COL7A1: variants seen among roughly 807,000 people sequenced by gnomAD.
COL7A1 encodes collagen alpha-1(VII) chain.
Under a neutral mutation model 456.2 loss-of-function variants are expected in COL7A1, and 296 were observed. That is an observed-to-expected ratio of 0.65 (90% CI 0.59 to 0.71). COL7A1 has a LOEUF of 0.71. COL7A1 is among the 30% of genes least tolerant of loss of function. The pLI is 0.00. For synonymous variants in COL7A1, 1,464 were observed against 1,525.9 expected (o/e 0.96, Z 0.95); for missense variants, 3,441 against 4,017.2 (o/e 0.86, Z 3.88).
rs2043810932 is a variant in COL7A1 at position 48,570,030 on chromosome 3, G to A, written c.7485+104C>T. 8.8e-6 allele frequency: 14 copies of A among 1,594,278 alleles called. No homozygotes were observed. Among genetic ancestry groups the A allele is most frequent in the African/African-American group, 1.3e-5 (1 of 74,590 alleles). On this transcript the variant is annotated intron_variant, in intron 99 of 118. Coordinates refer to ENST00000681320, the MANE Select transcript of COL7A1 (RefSeq NM_000094.4). The surrounding 1 kb of genome is among the most constrained non-coding windows in gnomAD (Gnocchi z 5.5). Reference sequence around the variant, plus strand: ...AGACAAAGGGGACAGGGGTAGACGAGGAGGGCCAGAGGGCTAGGGAGGATG... The same window carrying A: ...AGACAAAGGGGACAGGGGTAGACGAAGAGGGCCAGAGGGCTAGGGAGGATG...
Position 48,580,000 on chromosome 3 carries a change from G to A in COL7A1, c.5124+31C>T, listed in dbSNP as rs1293099106. ...AGCCAAAGGGGCAAGTGAGAACAAT[G>A]ACAGAGGACCAGACCCAGCGCAGCC... is the stretch of plus-strand genomic sequence containing the variant. On this transcript the variant is annotated intron_variant, in intron 57 of 118. Coordinates refer to ENST00000681320, the MANE Select transcript of COL7A1 (RefSeq NM_000094.4). This position sits in a 1 kb window ranked among gnomAD's most constrained non-coding sequence, Gnocchi z 4.4. 1.2e-6 allele frequency: 2 copies of A among 1,613,768 alleles called. No individual in the cohort carries two copies. Among genetic ancestry groups the A allele is most frequent in the African/African-American group, 2.7e-5 (2 of 74,814 alleles).
rs2044668176 is a variant in COL7A1 at position 48,580,502 on chromosome 3, TG to T, written c.5052+78del. ...TTGGGAGGGTTTAGCATTACAGGGT[TG>T]GGGGGTAGGATCAGGTATTGGGAAT... On this transcript the variant is annotated intron_variant, in intron 55 of 118. Transcript: ENST00000681320. This position sits in a 1 kb window ranked among gnomAD's most constrained non-coding sequence, Gnocchi z 4.5. 1 of 1,534,094 alleles carries T rather than the reference TG, an allele frequency of 6.5e-7. No homozygotes were observed. The highest frequency in any genetic ancestry group is 9.0e-7 in the Non-Finnish European group (1 of 1,115,114).
At chr3:48,589,786 A>C in intron 16 of COL7A1, 68 bp from the exon 17 acceptor site, 2 of 1,608,926 alleles carry the variant, frequency 1.2e-6, no homozygotes, top group Non-Finnish European at 1.7e-6. Flanking sequence ...CTGATAGGGG[A>C]AGATGATGGG....
At chr3:48,589,926 T>C (rs1005231015) in intron 16 of COL7A1, among the ~76,000 whole-genome samples, 3 of 151,696 alleles carry the variant, frequency 2.0e-5, no homozygotes, top group African/African-American at 7.3e-5. Flanking sequence ...CAGAGGAGAT[T>C]TGGGTCCAGC....
rs2044784747 is a variant in COL7A1, at chr3:48,581,878, T to C, written c.4668+33A>G. Reference sequence around the variant, plus strand: ...CCCTATGACCTAGACCTCAACCCTGTAGAAACCTCCCCTTGCCCCATACCA... The same window carrying C: ...CCCTATGACCTAGACCTCAACCCTGCAGAAACCTCCCCTTGCCCCATACCA... On this transcript the variant is annotated intron_variant, in intron 48 of 118. Transcript: ENST00000681320. The surrounding 1 kb of genome is among the most constrained non-coding windows in gnomAD (Gnocchi z 5.8). 5 of 1,614,060 alleles carry C rather than the reference T, an allele frequency of 3.1e-6. No homozygotes were observed. Among genetic ancestry groups the C allele is most frequent in the East Asian group, 4.5e-5 (2 of 44,878 alleles).
In COL7A1 at chr3:48,565,114, C is replaced by G; in HGVS notation, c.8615G>C (p.Ser2872Thr). The change falls in exon 117 of 119, where the codon AGT becomes ACT. Residue 2872 changes from serine (S) to threonine (T), a missense_variant. Physicochemically the swap from Ser to Thr is moderately conservative, Grantham distance 58. Around this residue, in one of 3 missense-constraint regions of COL7A1, gnomAD observed 2,084 missense variants for 2,501.3 expected, o/e 0.83. Coordinates refer to ENST00000681320, the MANE Select transcript of COL7A1 (RefSeq NM_000094.4). This position sits in a 1 kb window ranked among gnomAD's most constrained non-coding sequence, Gnocchi z 4.5. ...TGGCAGCCCCCCATTCTCACCATCA[C>G]TATCCCAAGGAGCTTCAGGGTCCTG... Reference protein sequence around the residue: ...EYQDPEAPWDSDDPCSLPLDE... With the variant: ...EYQDPEAPWDTDDPCSLPLDE... The G allele has an allele frequency of 1.2e-6, 2 of 1,614,036 alleles. No individual in the cohort carries two copies. Among genetic ancestry groups the G allele is most frequent in the South Asian group, 2.2e-5 (2 of 91,080 alleles).
At chr3:48,582,585 G>A (rs928652065) in intron 45 of COL7A1, 24 bp downstream of exon 45, 4 of 1,613,634 alleles carry the variant, frequency 2.5e-6, no homozygotes, top group South Asian at 1.1e-5. Context: ...CCCACTCCTG[G>A]TCCCACCACA....
chr3:48,579,869 G>A lies in COL7A1; in HGVS notation c.5125-55C>T. On this transcript the variant is annotated intron_variant, in intron 57 of 118. Coordinates refer to ENST00000681320, the MANE Select transcript of COL7A1 (RefSeq NM_000094.4). The surrounding 1 kb of genome is among the most constrained non-coding windows in gnomAD (Gnocchi z 4.4). ...GGCTCAACAAGGGGAAGAGGAGTTG[G>A]CGAGGGGATACAGGGTCTGTGAGGG... is the stretch of plus-strand genomic sequence containing the variant. 6.2e-7 allele frequency: 1 copy of A among 1,613,530 alleles called. No individual in the cohort carries two copies. Among genetic ancestry groups the A allele is most frequent in the South Asian group, 1.1e-5 (1 of 91,056 alleles).
chr3:48,589,789 A>G lies in COL7A1; in HGVS notation c.2051-71T>C, dbSNP rs2045562752. On this transcript the variant is annotated intron_variant, in intron 16 of 118. Coordinates refer to ENST00000681320, the MANE Select transcript of COL7A1 (RefSeq NM_000094.4). The stretch of plus-strand genomic sequence containing the variant: ...GAGTGGGGCTATCTGATAGGGGAAG[A>G]TGATGGGAGTCTAACAGGAGACGGG... 30 of 1,606,992 alleles carry G rather than the reference A, an allele frequency of 1.9e-5. 1 individual carries two copies. In the South Asian group the frequency reaches 3.2e-4, roughly 17 times the overall value.
intron 47 of COL7A1, 53 bp downstream of exon 47, chr3:48,582,270 G>GTCAC: frequency 6.2e-7 from 1 of 1,613,260 alleles, no homozygotes; most frequent in Non-Finnish European, 8.5e-7. Flanking sequence ...CTATAGGAGG[G>GTCAC]TCACTGCTCA....
rs1378119225 is a variant in COL7A1 at position 48,595,311 on chromosome 3, G to GTCT, written c.-46_-45insAGA. The GTCT allele has an allele frequency of 1.0e-4, 70 of 684,572 alleles. No homozygotes were observed. In the African/African-American group the frequency reaches 1.2e-3, roughly 11 times the overall value. The allele number at this position is 684,572 out of a possible 1,614,324, so 42.4% of individuals were successfully genotyped here. Reference sequence around the variant, plus strand: ...CCGCCGCCGCCGCTGCAGTCTCTCGGGCAGAGCAGAGAAAAGTCCCTGATC... The same window carrying GTCT: ...CCGCCGCCGCCGCTGCAGTCTCTCGGTCTGCAGAGCAGAGAAAAGTCCCTGATC... On this transcript the variant is annotated 5_prime_UTR_variant, in exon 1 of 119. Transcript: ENST00000681320.
At position 48,570,918 on chromosome 3, in the gene COL7A1, G is replaced by T. The variant is rs779587550; in HGVS notation, c.7215C>A (p.Phe2405Leu). The T allele has an allele frequency of 6.2e-7, 1 of 1,613,648 alleles. No homozygotes were observed. Among genetic ancestry groups the T allele is most frequent in the African/African-American group, 1.3e-5 (1 of 74,918 alleles). ...CTCCTCGAGGGCCTGTCTGACCCGGGAACCCAACAACACCAGGAGCACCGG... is the reference window on the plus strand; with the variant it reads ...CTCCTCGAGGGCCTGTCTGACCCGGTAACCCAACAACACCAGGAGCACCGG... Reference protein sequence around the residue: ...GLPGAPGVVGFPGQTGPRGEM... With the variant: ...GLPGAPGVVGLPGQTGPRGEM... The change falls in exon 95 of 119, where the codon TTC becomes TTA. Residue 2405 changes from phenylalanine (F) to leucine (L), a missense_variant. By Grantham distance (22) the Phe-to-Leu change is conservative (BLOSUM62 0). Coordinates refer to ENST00000681320, the MANE Select transcript of COL7A1 (RefSeq NM_000094.4). The surrounding 1 kb of genome is among the most constrained non-coding windows in gnomAD (Gnocchi z 5.5).
In COL7A1 at chr3:48,573,777, A is replaced by T; in HGVS notation, c.6538-52T>A. On this transcript the variant is annotated intron_variant, in intron 81 of 118. Coordinates refer to ENST00000681320, the MANE Select transcript of COL7A1 (RefSeq NM_000094.4). The surrounding 1 kb of genome is among the most constrained non-coding windows in gnomAD (Gnocchi z 5.5). ...AGGGGGAGTTAGCCGCACCCCACCAAGGAAACTGAGGCAGTACTGGTCACT... is the reference window on the plus strand; with the variant it reads ...AGGGGGAGTTAGCCGCACCCCACCATGGAAACTGAGGCAGTACTGGTCACT... 6.2e-7 allele frequency: 1 copy of T among 1,613,934 alleles called. No homozygotes were observed. Among genetic ancestry groups the T allele is most frequent in the South Asian group, 1.1e-5 (1 of 91,074 alleles).
rs1191044278 is a variant in COL7A1, at chr3:48,572,208, T to C, written c.6979-37A>G. 15 of 1,613,990 alleles carry C rather than the reference T, an allele frequency of 9.3e-6. No homozygotes were observed. The highest frequency in any genetic ancestry group is 1.3e-5 in the Non-Finnish European group (15 of 1,179,984). ...GGTCAGGAGGCAACACAGGCATCAGTCACAGAAAGATGAGACTCCGGAGGG... is the reference window on the plus strand; with the variant it reads ...GGTCAGGAGGCAACACAGGCATCAGCCACAGAAAGATGAGACTCCGGAGGG... On this transcript the variant is annotated intron_variant, in intron 90 of 118. Transcript: ENST00000681320. This position sits in a 1 kb window ranked among gnomAD's most constrained non-coding sequence, Gnocchi z 4.6.
rs2044100581 is a variant in COL7A1 at position 48,573,868 on chromosome 3, G to A, written c.6524C>T (p.Pro2175Leu). ...TTGGGTACTCACCACTGGGCCAGGG[G>A]GGCCTCTTGGACCCTGCAGACCCTA... The part of the protein sequence containing the change: ...GKPGLQGPRG[P>L]PGPVGGHGDP... The change falls in exon 81 of 119, where the codon CCC becomes CTC. Residue 2175 changes from proline to leucine, a missense_variant. Pro to Leu is a moderately conservative substitution (Grantham distance 98). Around this residue, in one of 3 missense-constraint regions of COL7A1, gnomAD observed 2,084 missense variants for 2,501.3 expected, o/e 0.83. Coordinates refer to ENST00000681320, the MANE Select transcript of COL7A1 (RefSeq NM_000094.4). This position sits in a 1 kb window ranked among gnomAD's most constrained non-coding sequence, Gnocchi z 5.5. 3.7e-6 allele frequency: 6 copies of A among 1,613,800 alleles called. No homozygotes were observed. The African/African-American group carries it at 4.0e-5, about 11-fold the overall frequency.
Position 48,588,681 on chromosome 3 carries a change from C to T in COL7A1, c.2548G>A (p.Asp850Asn), listed in dbSNP as rs538387822. 3.4e-5 allele frequency: 55 copies of T among 1,613,856 alleles called. No homozygotes were observed. In the South Asian group the frequency reaches 5.5e-4, roughly 16 times the overall value. The change falls in exon 20 of 119, where the codon GAC becomes AAC. Residue 850 changes from aspartate to asparagine, a missense_variant. Physicochemically the swap from Asp to Asn is conservative, Grantham distance 23. Around this residue, in one of 3 missense-constraint regions of COL7A1, gnomAD observed 444 missense variants for 427.6 expected, o/e 1.04. Coordinates refer to ENST00000681320, the MANE Select transcript of COL7A1 (RefSeq NM_000094.4). This position sits in a 1 kb window ranked among gnomAD's most constrained non-coding sequence, Gnocchi z 4.6. ...YSVRVTALVG[D>N]REGTPVSIVV... ...ATGGAGACAGGTGTGCCCTCGCGGT[C>T]CCCGACAAGTGCAGTCACTCGCACT...
chr3:48,568,552 G>C lies in COL7A1; in HGVS notation c.7759-18C>G. On this transcript the variant is annotated intron_variant, in intron 104 of 118. Coordinates refer to ENST00000681320, the MANE Select transcript of COL7A1 (RefSeq NM_000094.4). This position sits in a 1 kb window ranked among gnomAD's most constrained non-coding sequence, Gnocchi z 5.2. The stretch of plus-strand genomic sequence containing the variant: ...GGTTGACCCTGTGAGAAACACAGAT[G>C]GGGGAGCCCTTCAGTGGGACTGTCC... 1.9e-6 allele frequency: 3 copies of C among 1,606,054 alleles called. No individual in the cohort carries two copies. The highest frequency in any genetic ancestry group is 2.6e-6 in the Non-Finnish European group (3 of 1,174,468).
In COL7A1 at chr3:48,574,203, G is replaced by A; in HGVS notation, c.6501+59C>T. On this transcript the variant is annotated intron_variant, in intron 80 of 118. Transcript: ENST00000681320. This position sits in a 1 kb window ranked among gnomAD's most constrained non-coding sequence, Gnocchi z 5.0. Reference sequence around the variant, plus strand: ...CACACAGACATGCACACACACAGCAGCAGCAGCACCTAGCGGAGGGTCCGG... The same window carrying A: ...CACACAGACATGCACACACACAGCAACAGCAGCACCTAGCGGAGGGTCCGG... 1.3e-6 allele frequency: 2 copies of A among 1,595,778 alleles called. No homozygotes were observed.
rs1371113303 is a variant in COL7A1, at chr3:48,575,052, T to C, written c.6279+12A>G. On this transcript the variant is annotated intron_variant, in intron 76 of 118. Coordinates refer to ENST00000681320, the MANE Select transcript of COL7A1 (RefSeq NM_000094.4). The surrounding 1 kb of genome is among the most constrained non-coding windows in gnomAD (Gnocchi z 6.3). ...ACTAGTCACAGGACTAAGGCAGGGA[T>C]GGGGTGATCACCTTGGGGCCAGGGG... The C allele has an allele frequency of 1.2e-6, 2 of 1,609,614 alleles. No individual in the cohort carries two copies. Among genetic ancestry groups the C allele is most frequent in the Admixed American group, 1.7e-5 (1 of 59,982 alleles).
Sources: gnomAD v4.1 joint callset for allele counts (sites outside exome capture counted in the v4.1 genomes callset) on GRCh38, gnomAD v4.1.1 for gene constraint, gnomAD v4.1.1 regional missense constraint, Gnocchi (gnomAD v3.1) non-coding constraint, MANE v1.5 for transcripts, NCBI Gene and HGNC (gene_info 2026-07-23, HGNC 2026-07-21) for gene names.